The following SPTBN1 variants were observed in gnomAD, a reference collection of about 807,000 sequenced individuals.
The protein encoded by SPTBN1 is spectrin beta chain, non-erythrocytic 1.
A neutral mutation model predicts 266.4 loss-of-function variants in SPTBN1; 32 were observed. The ratio of observed to expected loss-of-function variants is 0.12; its 90% confidence interval spans 0.09 to 0.16. The LOEUF is 0.16. SPTBN1 is among the 10% of genes least tolerant of loss of function. The pLI is 1.00. For missense variants in SPTBN1, 2,296 were observed against 3,067.1 expected (o/e 0.75, Z 5.94); for synonymous variants, 1,336 against 1,162.2 (o/e 1.15, Z -3.04).
In SPTBN1 at chr2:54,625,985, G is replaced by A. The variant is rs753893966; in HGVS notation, c.1395G>A (p.Glu465=). 29 of 1,614,172 alleles carry A rather than the reference G, an allele frequency of 1.8e-5. No homozygotes were observed. In the South Asian group the frequency reaches 1.9e-4, roughly 10 times the overall value. ...TTGAGGCCGCCACAAAAAAGCACGA[G>A]GCCATTGAGACAGACATTGCCGCAT... is the stretch of plus-strand genomic sequence containing the variant. ...PAVEAATKKH[E]AIETDIAAYE... Residue 465 remains glutamate, a synonymous_variant, in exon 12 of 36, where the codon GAG becomes GAA. Transcript: ENST00000356805.
rs143138642 is a variant in SPTBN1, at chr2:54,500,716, T to G, written c.-47-25656T>G. Among the ~76,000 whole-genome samples the G allele has an allele frequency of 3.6e-3, 551 of 152,136 alleles. 6 individuals carry two copies. Among genetic ancestry groups the G allele is most frequent in the African/African-American group, 0.012 (517 of 41,528 alleles). ...TGCATGCCACCACGCCTAGCTAATTTTTGTATAGATGGGATTTTGCCATGT... is the reference window on the plus strand; with the variant it reads ...TGCATGCCACCACGCCTAGCTAATTGTTGTATAGATGGGATTTTGCCATGT... On this transcript the variant is annotated intron_variant, in intron 1 of 35. Coordinates refer to ENST00000356805, the MANE Select transcript of SPTBN1 (RefSeq NM_003128.3).
At chr2:54,498,299 CAT>C (rs1669077531) in intron 1 of SPTBN1, among the ~76,000 whole-genome samples, 2 of 152,184 alleles carry the variant, frequency 1.3e-5, no homozygotes, top group South Asian at 4.1e-4. Context: ...CTTCTGAGCA[CAT>C]GTGGCTGGTG....
chr2:54,582,048 A>T (rs1303009677), intron 2 of SPTBN1, among the ~76,000 whole-genome samples: 1 of 152,150 alleles, frequency 6.6e-6, no homozygotes, highest in Non-Finnish European at 1.5e-5. Flanking sequence ...TAGAGAAAAA[A>T]ATACATCTGG....
At chr2:54,661,805 C>T (rs1353323123) in intron 32 of SPTBN1, 1 of 985,160 alleles carries the variant, frequency 1.0e-6, no homozygotes, top group Non-Finnish European at 1.2e-6. Flanking sequence ...CTTTTTGTAT[C>T]TAGAAGACCC....
intron 1 of SPTBN1, among the ~76,000 whole-genome samples, chr2:54,477,434 CT>C (rs1667894727): frequency 6.8e-6 from 1 of 147,548 alleles, no homozygotes; most frequent in Admixed American, 6.8e-5. Flanking sequence ...AATTCACTTT[CT>C]ATTAGAAATC....
intron 1 of SPTBN1, among the ~76,000 whole-genome samples, chr2:54,472,020 A>ATTTTTTTTT (rs1420661034): frequency 8.2e-5 from 4 of 48,492 alleles, no homozygotes; most frequent in African/African-American, 1.2e-4. Flanking sequence ...GGCCCTGAAG[A>ATTTTTTTTT]TGTTTTTTTT....
chr2:54,537,302 T>C (rs940774517), intron 2 of SPTBN1, among the ~76,000 whole-genome samples: 1 of 152,216 alleles, frequency 6.6e-6, no homozygotes, highest in Non-Finnish European at 1.5e-5. Flanking sequence ...AATATCCTTG[T>C]TTCCTGTAGT....
At chr2:54,543,948 A>G (rs553594013) in intron 2 of SPTBN1, among the ~76,000 whole-genome samples, 28 of 152,274 alleles carry the variant, frequency 1.8e-4, no homozygotes, top group Non-Finnish European at 2.9e-4. Flanking sequence ...ATTTAGCTTT[A>G]GTGCTCTGTT....
At chr2:54,456,827 C>G (rs959770206) in intron 1 of SPTBN1, among the ~76,000 whole-genome samples, 2 of 151,208 alleles carry the variant, frequency 1.3e-5, no homozygotes, top group Non-Finnish European at 3.0e-5. Context: ...GCCCCAGCCC[C>G]GGCGCGGCGC....
intron 2 of SPTBN1, among the ~76,000 whole-genome samples, chr2:54,555,044 T>G (rs1672785934): frequency 6.6e-6 from 1 of 152,316 alleles, no homozygotes; most frequent in African/African-American, 2.4e-5. Context: ...TTTTTTAGTT[T>G]GTTTGTTTTG....
chr2:54,613,260 A>G (rs576646125), intron 4 of SPTBN1, among the ~76,000 whole-genome samples: 1 of 152,330 alleles, frequency 6.6e-6, no homozygotes, highest in Non-Finnish European at 1.5e-5. Context: ...CTCCTCAGTG[A>G]CTGTGTTCTC....
At chr2:54,470,715 T>C (rs1449340455) in intron 1 of SPTBN1, among the ~76,000 whole-genome samples, 2 of 152,202 alleles carry the variant, frequency 1.3e-5, no homozygotes, top group Non-Finnish European at 2.9e-5. Context: ...GGCATGTGCC[T>C]GTAATCCTAG....
At chr2:54,532,822 T>A (rs979501536) in intron 2 of SPTBN1, among the ~76,000 whole-genome samples, 1 of 152,158 alleles carries the variant, frequency 6.6e-6, no homozygotes, top group Non-Finnish European at 1.5e-5. Context: ...TTCCCCTAAT[T>A]TGTGTTGATT....
chr2:54,497,002 T>C (rs1323112509), intron 1 of SPTBN1, among the ~76,000 whole-genome samples: 9 of 152,222 alleles, frequency 5.9e-5, no homozygotes, highest in Non-Finnish European at 4.4e-5. Context: ...CTATTACATA[T>C]GATGATATGC....
intron 32 of SPTBN1, chr2:54,661,064 G>T (rs116519227): frequency 7.1e-6 from 7 of 985,298 alleles, no homozygotes; most frequent in African/African-American, 1.7e-5. Context: ...GGCTTCAGAA[G>T]TCATGTCAGT....
chr2:54,484,813 C>T (rs551425590), intron 1 of SPTBN1, among the ~76,000 whole-genome samples: 1 of 152,252 alleles, frequency 6.6e-6, no homozygotes, highest in African/African-American at 2.4e-5. Flanking sequence ...GTGGCTCATT[C>T]CAGGCCTCAA....
chr2:54,633,807 T>G (rs1252194729), intron 17 of SPTBN1, among the ~76,000 whole-genome samples: 1 of 152,072 alleles, frequency 6.6e-6, no homozygotes, highest in East Asian at 1.9e-4. Context: ...ATAAGATGGG[T>G]GGAGAGGGGA....
Position 54,521,977 on chromosome 2 carries a change from A to C in SPTBN1, c.-47-4395A>C, listed in dbSNP as rs564912504. On this transcript the variant is annotated intron_variant, in intron 1 of 35. Coordinates refer to ENST00000356805, the MANE Select transcript of SPTBN1 (RefSeq NM_003128.3). ...CAGTGGCACAGTTATGGTTCACTGC[A>C]ACCTCCACCTCCCTGGCTCGAGTGG... Among the ~76,000 whole-genome samples, 24 of 151,390 alleles carry C rather than the reference A, an allele frequency of 1.6e-4. No individual in the cohort carries two copies. In the East Asian group the frequency reaches 3.5e-3, roughly 22 times the overall value.
At position 54,670,755 on chromosome 2, in the gene SPTBN1, T is replaced by A; in HGVS notation, c.*2186T>A. ...ATAATTTCAACAGTTCGCAGATCTG[T>A]AGTTATGAAGCCAGGGTTTGGTGGT... On this transcript the variant is annotated 3_prime_UTR_variant, in exon 36 of 36. Coordinates refer to ENST00000356805, the MANE Select transcript of SPTBN1 (RefSeq NM_003128.3). 1 of 398,512 alleles carries A rather than the reference T, an allele frequency of 2.5e-6. No homozygotes were observed. The highest frequency in any genetic ancestry group is 4.4e-6 in the Non-Finnish European group (1 of 226,062). 24.7% of individuals were successfully genotyped at this position (398,512 alleles called of 1,614,324 possible).
Sources: gnomAD v4.1 joint callset for allele counts (sites outside exome capture counted in the v4.1 genomes callset) on GRCh38, gnomAD v4.1.1 for gene constraint, MANE v1.5 for transcripts, NCBI Gene and HGNC (gene_info 2026-07-23, HGNC 2026-07-21) for gene names.